The following B3GALT1 variants were observed in gnomAD, a reference collection of about 807,000 sequenced individuals.
B3GALT1 encodes UDP-Gal:betaGlcNAc beta 1,3-galactosyltransferase, polypeptide 1.
B3GALT1 carries 10 observed loss-of-function variants against 23.2 expected under a neutral mutation model. The ratio of observed to expected loss-of-function variants is 0.43; its 90% CI spans 0.27 to 0.73. B3GALT1 has a LOEUF of 0.73. Among genes scored for constraint, B3GALT1 ranks in the 30% least tolerant of loss-of-function variants. The pLI is 0.21. For synonymous variants in B3GALT1, 156 were observed against 141.5 expected (o/e 1.10, Z -0.73); for missense variants, 299 against 405.4 (o/e 0.74, Z 2.25).
chr2:167,517,604 A>G (rs185611129), intron 2 of B3GALT1, among the ~76,000 whole-genome samples: 1 of 152,160 alleles, frequency 6.6e-6, no homozygotes, highest in African/African-American at 2.4e-5. Flanking sequence ...GCAGTGGTCC[A>G]GAAACAACCC....
chr2:167,730,229 A>C (rs143260437), intron 3 of B3GALT1, among the ~76,000 whole-genome samples: 10 of 152,230 alleles, frequency 6.6e-5, no homozygotes, highest in African/African-American at 2.4e-4. Flanking sequence ...CTTTCCACAC[A>C]TACAGCAAGC....
At chr2:167,450,048 G>T (rs973935622) in intron 1 of B3GALT1, among the ~76,000 whole-genome samples, 2 of 152,116 alleles carry the variant, frequency 1.3e-5, no homozygotes, top group Non-Finnish European at 2.9e-5. Flanking sequence ...TTGGTGTGTA[G>T]TTTTCTTTTT....
At chr2:167,532,973 T>A (rs1683354673) in intron 2 of B3GALT1, among the ~76,000 whole-genome samples, 1 of 151,304 alleles carries the variant, frequency 6.6e-6, no homozygotes, top group African/African-American at 2.4e-5. Flanking sequence ...GCGATTCTCC[T>A]GCCTCAGCCT....
chr2:167,861,791 G>GC (rs1474972363), intron 4 of B3GALT1, among the ~76,000 whole-genome samples: 1 of 152,238 alleles, frequency 6.6e-6, no homozygotes, highest in East Asian at 1.9e-4. Flanking sequence ...GGAGACATTT[G>GC]CATTCCCTTT....
chr2:167,429,309 G>C (rs1247655469), intron 1 of B3GALT1, among the ~76,000 whole-genome samples: 2 of 150,250 alleles, frequency 1.3e-5, no homozygotes, highest in South Asian at 4.2e-4. Context: ...AATAAGAAAT[G>C]TTTTAAAAAT....
chr2:167,828,353 C>T (rs1404304451), intron 4 of B3GALT1, among the ~76,000 whole-genome samples: 1 of 152,148 alleles, frequency 6.6e-6, no homozygotes, highest in Admixed American at 6.5e-5. Context: ...TAAGTCTAAC[C>T]TGTGATGAAC....
chr2:167,872,947 T>C lies in B3GALT1; in HGVS notation c.*2927T>C, dbSNP rs1029657196. 1 of 152,202 alleles carries C rather than the reference T, an allele frequency of 6.6e-6. No homozygotes were observed. Among genetic ancestry groups the C allele is most frequent in the Non-Finnish European group, 1.5e-5 (1 of 68,032 alleles). 9.4% of individuals were successfully genotyped at this position (152,202 alleles called of 1,614,324 possible). Reference sequence around the variant, plus strand: ...GCAAGGCCATTTGTCCAGTGTTTCATAGCCTTAAGCATGTTTGCCCTTCGT... The same window carrying C: ...GCAAGGCCATTTGTCCAGTGTTTCACAGCCTTAAGCATGTTTGCCCTTCGT... On this transcript the variant is annotated 3_prime_UTR_variant, in exon 5 of 5. Coordinates refer to ENST00000392690, the MANE Select transcript of B3GALT1 (RefSeq NM_020981.4).
chr2:167,386,435 G>A (rs1308467189), intron 1 of B3GALT1, among the ~76,000 whole-genome samples: 1 of 152,154 alleles, frequency 6.6e-6, no homozygotes, highest in Non-Finnish European at 1.5e-5. Context: ...GTTCTTAATT[G>A]AAGGTGAGCA....
chr2:167,856,608 G>A (rs998095460), intron 4 of B3GALT1, among the ~76,000 whole-genome samples: 2 of 152,170 alleles, frequency 1.3e-5, no homozygotes, highest in Admixed American at 1.3e-4. Context: ...GGGAGTGAAA[G>A]AAGAGAGTGA....
intron 3 of B3GALT1, among the ~76,000 whole-genome samples, chr2:167,716,797 T>G (rs1254442817): frequency 1.3e-5 from 2 of 152,228 alleles, no homozygotes; most frequent in African/African-American, 4.8e-5. Flanking sequence ...GAATTCCATT[T>G]TGTTATTCAT....
intron 1 of B3GALT1, among the ~76,000 whole-genome samples, chr2:167,295,768 CGTGTGTGT>C (rs57375833): frequency 0.066 from 9,436 of 143,404 alleles, 493 homozygotes; most frequent in African/African-American, 0.15. Context: ...TGTGTGTGTA[CGTGTGTGT>C]GTGTGTGTGT....
intron 4 of B3GALT1, among the ~76,000 whole-genome samples, chr2:167,821,331 A>C (rs1689101217): frequency 6.6e-6 from 1 of 152,054 alleles, no homozygotes. Context: ...AAACAAAACA[A>C]AACCCCCAAG....
intron 1 of B3GALT1, among the ~76,000 whole-genome samples, chr2:167,467,367 G>T (rs1428816150): frequency 6.6e-6 from 1 of 152,004 alleles, no homozygotes; most frequent in East Asian, 1.9e-4. Context: ...TAGATTTTTG[G>T]CAACCATGTT....
intron 2 of B3GALT1, among the ~76,000 whole-genome samples, chr2:167,501,332 AT>A (rs1699845071): frequency 6.6e-6 from 1 of 152,030 alleles, no homozygotes; most frequent in African/African-American, 2.4e-5. Context: ...TTAACTCAGT[AT>A]TTAAAAATAT....
intron 1 of B3GALT1, among the ~76,000 whole-genome samples, chr2:167,342,132 T>C (rs916105269): frequency 2.0e-5 from 3 of 151,996 alleles, no homozygotes; most frequent in African/African-American, 4.8e-5. Context: ...CTCTAAGCAA[T>C]GGAAAATTGT....
intron 3 of B3GALT1, chr2:167,713,672 G>T: frequency 7.1e-7 from 1 of 1,416,014 alleles, no homozygotes; most frequent in Non-Finnish European, 9.9e-7. Context: ...TCTTGCTGTG[G>T]TTCTGGATGT....
chr2:167,778,042 C>A (rs1226817384), intron 3 of B3GALT1, among the ~76,000 whole-genome samples: 1 of 151,998 alleles, frequency 6.6e-6, no homozygotes, highest in African/African-American at 2.4e-5. Flanking sequence ...TAGTTCTAAG[C>A]TTGAAAAACA....
chr2:167,784,582 C>G (rs749545733), intron 3 of B3GALT1, among the ~76,000 whole-genome samples: 2 of 152,144 alleles, frequency 1.3e-5, no homozygotes, highest in African/African-American at 4.8e-5. Context: ...TATAGCCACT[C>G]TATTTGTAAT....
intron 2 of B3GALT1, among the ~76,000 whole-genome samples, chr2:167,578,393 C>T (rs1279384235): frequency 1.3e-5 from 2 of 151,982 alleles, no homozygotes; most frequent in Non-Finnish European, 1.5e-5. Context: ...CCCACACTGT[C>T]TTCATTAGTG....
Sources: allele counts gnomAD v4.1 joint callset (sites outside exome capture counted in the v4.1 genomes callset), GRCh38; gene constraint gnomAD v4.1.1; transcripts MANE v1.5; gene names NCBI Gene and HGNC (gene_info 2026-07-23, HGNC 2026-07-21).